EYA3: variants seen among roughly 807,000 people sequenced by gnomAD.
EYA3 encodes EYA transcriptional coactivator and phosphatase 3, also known as protein phosphatase EYA3.
In EYA3, 39 loss-of-function variants were observed where a neutral mutation model predicts 80.0. The observed-to-expected ratio is 0.49, with a 90% CI of 0.38 to 0.64. EYA3 has a LOEUF of 0.64. Among genes scored for constraint, EYA3 ranks in the 30% least tolerant of loss-of-function variants. The pLI, the probability that EYA3 is intolerant of heterozygous loss-of-function variation, is 0.00. For synonymous variants in EYA3, 206 were observed against 232.8 expected (o/e 0.88, Z 1.05); for missense variants, 523 against 676.1 (o/e 0.77, Z 2.51).
At chr1:28,032,096 AG>A (rs1204526035) in intron 6 of EYA3, 1 of 152,214 alleles carries the variant, frequency 6.6e-6, no homozygotes, top group Non-Finnish European at 1.5e-5. Flanking sequence ...AGCGCACTAC[AG>A]CCCAGGACTC....
chr1:27,985,391 T>C (rs112345114), intron 16 of EYA3, among the ~76,000 whole-genome samples: 1 of 152,040 alleles, frequency 6.6e-6, no homozygotes, highest in Non-Finnish European at 1.5e-5. Context: ...TGGGTCTCAT[T>C]TGACCCATCA....
At chr1:28,065,938 G>A (rs1370930917) in intron 1 of EYA3, among the ~76,000 whole-genome samples, 2 of 151,970 alleles carry the variant, frequency 1.3e-5, no homozygotes, top group East Asian at 3.9e-4. Flanking sequence ...GGACCCGGGA[G>A]GCGGAGGTTG....
At chr1:28,058,891 C>T (rs1177136737) in intron 1 of EYA3, among the ~76,000 whole-genome samples, 2 of 152,144 alleles carry the variant, frequency 1.3e-5, no homozygotes, top group Non-Finnish European at 2.9e-5. Flanking sequence ...AAGCTGCATA[C>T]ATTATAAAAA....
chr1:28,035,560 A>G lies in EYA3; in HGVS notation c.345T>C (p.Tyr115=), dbSNP rs1054869029. ...GTGCCTTACCAAAAGGAGGTAGTCC[A>G]TACGTTTGGGTTGCCTGAGGGTAGA... ...YAVYPQATQT[Y]GLPPFGALWP... is the part of the protein sequence containing the mutation. The change falls in exon 6 of 18, where the codon TAT becomes TAC. Residue 115 remains tyrosine, a synonymous_variant. Coordinates refer to ENST00000373871, the MANE Select transcript of EYA3 (RefSeq NM_001990.4). The G allele has an allele frequency of 3.7e-6, 6 of 1,613,684 alleles. No individual in the cohort carries two copies. Among genetic ancestry groups the G allele is most frequent in the Non-Finnish European group, 5.1e-6 (6 of 1,179,912 alleles).
chr1:28,061,521 TAAA>T (rs1460815060), intron 1 of EYA3, among the ~76,000 whole-genome samples: 3 of 151,192 alleles, frequency 2.0e-5, no homozygotes, highest in Non-Finnish European at 4.4e-5. Context: ...AACTTGGTAA[TAAA>T]AGAAGTACAG....
chr1:28,046,884 C>G (rs141363634), intron 3 of EYA3, among the ~76,000 whole-genome samples: 2 of 151,234 alleles, frequency 1.3e-5, no homozygotes, highest in East Asian at 3.9e-4. Context: ...TGCTCTGCCA[C>G]CAACCCAGGA....
intron 6 of EYA3, among the ~76,000 whole-genome samples, chr1:28,030,421 T>G (rs113927161): frequency 1.3e-5 from 2 of 152,020 alleles, no homozygotes; most frequent in South Asian, 2.1e-4. Context: ...AACCCCCGAA[T>G]AGCTGGGACC....
chr1:28,057,559 A>G (rs1180688417), intron 2 of EYA3, among the ~76,000 whole-genome samples: 1 of 152,168 alleles, frequency 6.6e-6, no homozygotes, highest in Non-Finnish European at 1.5e-5. Flanking sequence ...AGAATTCAAT[A>G]TAGTCTCTAG....
At chr1:27,983,829 ATT>A (rs1050601505) in intron 16 of EYA3, among the ~76,000 whole-genome samples, 1 of 152,066 alleles carries the variant, frequency 6.6e-6, no homozygotes, top group African/African-American at 2.4e-5. Context: ...CTAATTTTGT[ATT>A]TTTAGTAGAG....
intron 1 of EYA3, among the ~76,000 whole-genome samples, chr1:28,068,763 G>A (rs1343138312): frequency 1.3e-5 from 2 of 152,098 alleles, no homozygotes; most frequent in Admixed American, 1.3e-4. Context: ...AATTTAAAAT[G>A]TACAGACTTT....
At chr1:28,029,548 G>T (rs982450490) in intron 6 of EYA3, among the ~76,000 whole-genome samples, 1 of 151,300 alleles carries the variant, frequency 6.6e-6, no homozygotes, top group Non-Finnish European at 1.5e-5. Context: ...CATGGTTTTG[G>T]TGATAATTTT....
At chr1:28,005,381 A>G (rs1191443806) in intron 10 of EYA3, among the ~76,000 whole-genome samples, 1 of 152,194 alleles carries the variant, frequency 6.6e-6, no homozygotes, top group Admixed American at 6.5e-5. Flanking sequence ...GCACTGTAAG[A>G]AAACTACAGA....
chr1:27,998,514 G>A lies in EYA3; in HGVS notation c.1084-1136C>T, dbSNP rs80298827. On this transcript the variant is annotated intron_variant, in intron 12 of 17. Coordinates refer to ENST00000373871, the MANE Select transcript of EYA3 (RefSeq NM_001990.4). ...TTTAGACAAAAGTACTGGAGCTCGG[G>A]GCACTATTAATTTATTGAAGAATTG... 9.4e-4 allele frequency among the ~76,000 whole-genome samples: 143 copies of A among 152,148 alleles called. 1 individual carries two copies. In the East Asian group the frequency reaches 0.022, roughly 24 times the overall value.
intron 10 of EYA3, among the ~76,000 whole-genome samples, chr1:28,006,057 A>T (rs547057645): frequency 3.0e-4 from 46 of 151,992 alleles, no homozygotes; most frequent in Non-Finnish European, 5.6e-4. Flanking sequence ...GTGAGCTGAG[A>T]TTGTGCCACT....
intron 1 of EYA3, among the ~76,000 whole-genome samples, chr1:28,070,559 C>T (rs1037135238): frequency 6.6e-6 from 1 of 151,342 alleles, no homozygotes; most frequent in African/African-American, 2.4e-5. Flanking sequence ...GAGACTCCGT[C>T]TCAAAAAAAA....
At chr1:28,072,887 T>C (rs969138754) in intron 1 of EYA3, among the ~76,000 whole-genome samples, 3 of 151,720 alleles carry the variant, frequency 2.0e-5, no homozygotes, top group African/African-American at 7.3e-5. Context: ...TACAATGGAA[T>C]ACTGTACAGT....
At chr1:28,071,877 T>C (rs952967690) in intron 1 of EYA3, among the ~76,000 whole-genome samples, 1 of 152,210 alleles carries the variant, frequency 6.6e-6, no homozygotes, top group African/African-American at 2.4e-5. Flanking sequence ...TTTAACCAAG[T>C]AAAGTTGTTA....
chr1:28,051,928 G>C (rs1474301519), intron 2 of EYA3, among the ~76,000 whole-genome samples: 1 of 144,086 alleles, frequency 6.9e-6, no homozygotes, highest in Non-Finnish European at 1.5e-5. Flanking sequence ...ATATGGAAAT[G>C]AAAGTGACCC....
chr1:28,072,627 T>A (rs1380356680), intron 1 of EYA3, among the ~76,000 whole-genome samples: 1 of 152,192 alleles, frequency 6.6e-6, no homozygotes, highest in Non-Finnish European at 1.5e-5. Flanking sequence ...CTGGTGGGAA[T>A]GCAAAATGGT....
Sources: gnomAD v4.1 joint callset for allele counts (sites outside exome capture counted in the v4.1 genomes callset) on GRCh38, gnomAD v4.1.1 for gene constraint, MANE v1.5 for transcripts, NCBI Gene and HGNC (gene_info 2026-07-23, HGNC 2026-07-21) for gene names.